SNTB1: variants seen among roughly 807,000 people sequenced by gnomAD.
The protein encoded by SNTB1 is beta-1-syntrophin.
In SNTB1, 36 loss-of-function variants were observed where a neutral mutation model predicts 48.9. That is an observed-to-expected ratio of 0.74 (90% CI 0.56 to 0.97). The LOEUF (loss-of-function observed/expected upper bound fraction) is 0.97, where lower values mean the gene tolerates loss of function less well. SNTB1 is among the 50% of genes least tolerant of loss of function. The pLI is 0.00. For synonymous variants in SNTB1, 299 were observed against 294.6 expected (o/e 1.01, Z -0.15); for missense variants, 786 against 703.4 (o/e 1.12, Z -1.33).
At chr8:120,737,998 A>T (rs916115379) in intron 1 of SNTB1, among the ~76,000 whole-genome samples, 1 of 152,138 alleles carries the variant, frequency 6.6e-6, no homozygotes, top group Non-Finnish European at 1.5e-5. Flanking sequence ...TATCCTCCCC[A>T]AATTCACATA....
At position 120,621,140 on chromosome 8, in the gene SNTB1, A is replaced by G. The variant is rs138296653; in HGVS notation, c.996+11304T>C. 9.3e-3 allele frequency among the ~76,000 whole-genome samples: 1,420 copies of G among 152,114 alleles called. 10 individuals are homozygous for G. The highest frequency in any genetic ancestry group is 0.016 in the Non-Finnish European group (1,065 of 67,992). On this transcript the variant is annotated intron_variant, in intron 3 of 6. Coordinates refer to ENST00000517992, the MANE Select transcript of SNTB1 (RefSeq NM_021021.4). ...ATGCCCGGCTAATTTTTGTATTTTC[A>G]GTAGAGACGAGGTTTCACAGTGTTG...
intron 4 of SNTB1, among the ~76,000 whole-genome samples, chr8:120,561,894 C>T (rs1476107823): frequency 6.6e-6 from 1 of 152,176 alleles, no homozygotes; most frequent in Non-Finnish European, 1.5e-5. Context: ...ATTCCTACCC[C>T]AAAGAGGAAG....
In SNTB1 at chr8:120,545,261, T is replaced by C. The variant is rs142068953; in HGVS notation, c.1334-3261A>G. Among the ~76,000 whole-genome samples the C allele has an allele frequency of 7.3e-4, 111 of 152,228 alleles. 3 individuals carry two copies. In the East Asian group the frequency reaches 0.019, roughly 26 times the overall value. On this transcript the variant is annotated intron_variant, in intron 5 of 6. Transcript: ENST00000517992. ...CAGGAGGCTGAGGCAAGAGAATCCC[T>C]TGAACCTGGGAGGCGGAGGTTGCAG...
Position 120,693,858 on chromosome 8 carries a change from A to C in SNTB1, c.622T>G (p.Ser208Ala), listed in dbSNP as rs1310593214. Residue 208 changes from serine (S) to alanine (A), a missense_variant, in exon 2 of 7, where the codon TCC becomes GCC. Physicochemically the swap from Ser to Ala is moderately conservative, Grantham distance 99. Transcript: ENST00000517992. ...GGAGGTGTTTCCCACCCAATCTCGG[A>C]TACTGGGGATCCTTTCTTCACATAG... The part of the protein sequence containing the change: ...TPYVKKGSPV[S>A]EIGWETPPPE... 9 of 1,614,092 alleles carry C rather than the reference A, an allele frequency of 5.6e-6. No homozygotes were observed. The highest frequency in any genetic ancestry group is 1.7e-4 in the Middle Eastern group (1 of 6,060).
chr8:120,601,658 G>A (rs141682222), intron 3 of SNTB1, among the ~76,000 whole-genome samples: 336 of 152,266 alleles, frequency 2.2e-3, no homozygotes, highest in African/African-American at 7.7e-3. Context: ...GGGAGGTCAG[G>A]ACTGTCAGCT....
chr8:120,699,723 G>A (rs1188351646), intron 1 of SNTB1, among the ~76,000 whole-genome samples: 1 of 152,162 alleles, frequency 6.6e-6, no homozygotes, highest in African/African-American at 2.4e-5. Flanking sequence ...GCCACTTCTA[G>A]GTGGAAAATA....
At chr8:120,565,370 G>A (rs1815732052) in intron 4 of SNTB1, among the ~76,000 whole-genome samples, 1 of 152,096 alleles carries the variant, frequency 6.6e-6, no homozygotes, top group African/African-American at 2.4e-5. Context: ...TAGATATTGG[G>A]CACATATTAC....
intron 5 of SNTB1, among the ~76,000 whole-genome samples, chr8:120,542,962 T>A (rs1196953036): frequency 6.6e-6 from 1 of 152,152 alleles, no homozygotes; most frequent in South Asian, 2.1e-4. Context: ...AGATGTGGCA[T>A]CTTCCATGAG....
chr8:120,539,920 G>A (rs1054937186), intron 6 of SNTB1, among the ~76,000 whole-genome samples: 2 of 152,160 alleles, frequency 1.3e-5, no homozygotes, highest in African/African-American at 4.8e-5. Context: ...GGGAAACTAA[G>A]ATTCAGGGAA....
chr8:120,634,870 G>A (rs77264458), intron 2 of SNTB1, among the ~76,000 whole-genome samples: 2 of 65,674 alleles, frequency 3.0e-5, no homozygotes, highest in Non-Finnish European at 3.2e-5. Context: ...TTTTTTTTTT[G>A]AGACGGAGTC....
chr8:120,700,008 TA>T (rs1221521818), intron 1 of SNTB1, among the ~76,000 whole-genome samples: 1 of 152,180 alleles, frequency 6.6e-6, no homozygotes, highest in African/African-American at 2.4e-5. Context: ...CACAACAATA[TA>T]GGCATTATAA....
chr8:120,591,235 C>CT (rs955036712), intron 3 of SNTB1, among the ~76,000 whole-genome samples: 3 of 152,168 alleles, frequency 2.0e-5, no homozygotes, highest in Admixed American at 6.5e-5. Flanking sequence ...TGCTTTTTGT[C>CT]TTTTCATATT....
At chr8:120,761,892 A>G (rs942371781) in intron 1 of SNTB1, among the ~76,000 whole-genome samples, 1 of 152,238 alleles carries the variant, frequency 6.6e-6, no homozygotes, top group Non-Finnish European at 1.5e-5. Context: ...ACTAAGATGC[A>G]GGATTCACAT....
chr8:120,736,580 A>G lies in SNTB1; in HGVS notation c.572-42672T>C, dbSNP rs576890616. Among the ~76,000 whole-genome samples the G allele has an allele frequency of 2.6e-5, 4 of 152,360 alleles. No homozygotes were observed. The South Asian group carries it at 8.3e-4, about 32-fold the overall frequency. On this transcript the variant is annotated intron_variant, in intron 1 of 6. Transcript: ENST00000517992. The stretch of plus-strand genomic sequence containing the variant: ...TTCCGTGATGTATGCTGGGAGGTCA[A>G]GAAGCAAAGTGGATATAAAAAGGCT...
intron 5 of SNTB1, among the ~76,000 whole-genome samples, chr8:120,542,292 C>T (rs1276418035): frequency 6.6e-6 from 1 of 152,222 alleles, no homozygotes; most frequent in Non-Finnish European, 1.5e-5. Context: ...CAACACACAG[C>T]TCTATAGGTG....
At chr8:120,563,528 C>A (rs139832791) in intron 4 of SNTB1, among the ~76,000 whole-genome samples, 1 of 152,036 alleles carries the variant, frequency 6.6e-6, no homozygotes, top group Non-Finnish European at 1.5e-5. Context: ...GCAGTCGACA[C>A]CAGGAACATG....
chr8:120,541,888 A>T lies in SNTB1; in HGVS notation c.1446T>A (p.Pro482=). The T allele has an allele frequency of 1.2e-6, 2 of 1,614,052 alleles. No individual in the cohort carries two copies. The highest frequency in any genetic ancestry group is 1.7e-6 in the Non-Finnish European group (2 of 1,179,918). Residue 482 remains proline, a synonymous_variant, in exon 6 of 7, where the codon CCT becomes CCA. Coordinates refer to ENST00000517992, the MANE Select transcript of SNTB1 (RefSeq NM_021021.4). ...GAFPKTIIQS[P]YEKLKMSSDD... is the part of the protein sequence containing the mutation. ...CTGAAGACATTTTGAGCTTTTCATA[A>T]GGAGACTGTATGATGGTCTTGGGAA...
chr8:120,589,798 C>A (rs1364403045), intron 3 of SNTB1, among the ~76,000 whole-genome samples: 1 of 152,164 alleles, frequency 6.6e-6, no homozygotes, highest in Non-Finnish European at 1.5e-5. Context: ...TACCCTTATG[C>A]CCCCTGAGGC....
chr8:120,691,776 T>TAC (rs1301124884), intron 2 of SNTB1, among the ~76,000 whole-genome samples: 3 of 152,208 alleles, frequency 2.0e-5, no homozygotes, highest in Non-Finnish European at 2.9e-5. Context: ...AGGCTGGGTA[T>TAC]ACCATAGGCT....
Sources: allele counts gnomAD v4.1 joint callset (sites outside exome capture counted in the v4.1 genomes callset), GRCh38; gene constraint gnomAD v4.1.1; transcripts MANE v1.5; gene names NCBI Gene and HGNC (gene_info 2026-07-23, HGNC 2026-07-21).